Variants in EIF4G3 observed in about 807,000 individuals in gnomAD.
The protein encoded by EIF4G3 is eukaryotic translation initiation factor 4 gamma 3.
A neutral mutation model predicts 186.4 loss-of-function variants in EIF4G3; 34 were observed. The observed-to-expected ratio is 0.18, with a 90% confidence interval of 0.14 to 0.24. The LOEUF (loss-of-function observed/expected upper bound fraction) is 0.24. EIF4G3 is among the 10% of genes least tolerant of loss of function. EIF4G3 has a pLI of 1.00. For missense variants in EIF4G3, 1,536 were observed against 1,948.5 expected, an observed-to-expected ratio of 0.79 and a Z score of 3.99; for synonymous variants, 673 against 679.5, an observed-to-expected ratio of 0.99 and a Z score of 0.15.
At chr1:21,164,703 T>C (rs906341901) in intron 2 of EIF4G3, among the ~76,000 whole-genome samples, 2 of 151,922 alleles carry the variant, frequency 1.3e-5, no homozygotes, top group Non-Finnish European at 2.9e-5. Context: ...CTACAAAAAA[T>C]ACAAAAAGTA....
At chr1:21,008,126 G>C (rs1467313985) in intron 4 of EIF4G3, among the ~76,000 whole-genome samples, 2 of 152,168 alleles carry the variant, frequency 1.3e-5, no homozygotes, top group East Asian at 3.8e-4. Flanking sequence ...GGGCGACAGA[G>C]TGAGAACCTG....
intron 2 of EIF4G3, among the ~76,000 whole-genome samples, chr1:21,145,154 T>C (rs2102713012): frequency 6.6e-6 from 1 of 152,180 alleles, no homozygotes; most frequent in South Asian, 2.1e-4. Context: ...TCTGTATCAG[T>C]GTATTTAGTA....
chr1:20,916,855 C>T (rs1043002182), intron 14 of EIF4G3, among the ~76,000 whole-genome samples: 26 of 152,126 alleles, frequency 1.7e-4, no homozygotes, highest in Admixed American at 1.7e-3. Flanking sequence ...GGAGATTTAG[C>T]AGAAACAAGA....
rs2077685883 is a variant in EIF4G3, at chr1:20,980,320, C to T, written c.493+14G>A. 2 of 1,521,034 alleles carry T rather than the reference C, an allele frequency of 1.3e-6. No homozygotes were observed. Among genetic ancestry groups the T allele is most frequent in the East Asian group, 2.5e-5 (1 of 39,328 alleles). The allele number at this position is 1,521,034 out of a possible 1,614,324, so 94.2% of individuals were successfully genotyped here. On this transcript the variant is annotated intron_variant, in intron 10 of 36. Transcript: ENST00000602326. Reference sequence around the variant, plus strand: ...CAAAAAACTAGCAGAAATGTCTTGACTTTTCCTACTTACCATAAGCATTGG... The same window carrying T: ...CAAAAAACTAGCAGAAATGTCTTGATTTTTCCTACTTACCATAAGCATTGG...
chr1:20,820,022 G>A (rs962550328), intron 33 of EIF4G3, among the ~76,000 whole-genome samples: 3 of 152,082 alleles, frequency 2.0e-5, no homozygotes, highest in Admixed American at 6.5e-5. Flanking sequence ...TGGAGCCGGT[G>A]GGAGCCCTGC....
chr1:20,840,775 C>T (rs1172070471), intron 30 of EIF4G3, 81 bp downstream of exon 30: 11 of 1,326,034 alleles, frequency 8.3e-6, no homozygotes, highest in Non-Finnish European at 1.0e-5. Context: ...AAACTAAATA[C>T]TTAAAGAGGT....
At chr1:20,869,516 C>T (rs1393225589) in intron 20 of EIF4G3, among the ~76,000 whole-genome samples, 4 of 151,770 alleles carry the variant, frequency 2.6e-5, no homozygotes, top group African/African-American at 9.7e-5. Flanking sequence ...TGGCTCACGC[C>T]TGTAATCCCA....
intron 27 of EIF4G3, among the ~76,000 whole-genome samples, chr1:20,851,984 C>T (rs1211911741): frequency 6.6e-6 from 1 of 152,186 alleles, no homozygotes; most frequent in Non-Finnish European, 1.5e-5. Flanking sequence ...CGCCACTGCA[C>T]TCTAGCCTGG....
At chr1:21,136,983 A>C (rs1484349336) in intron 2 of EIF4G3, among the ~76,000 whole-genome samples, 1 of 152,114 alleles carries the variant, frequency 6.6e-6, no homozygotes, top group Admixed American at 6.6e-5. Flanking sequence ...CTCACTAATA[A>C]TTTTTATATG....
chr1:21,145,327 A>G (rs1033339057), intron 2 of EIF4G3, among the ~76,000 whole-genome samples: 1 of 110,982 alleles, frequency 9.0e-6, no homozygotes, highest in African/African-American at 2.9e-5. Flanking sequence ...AAAACAAAAC[A>G]AACAAACAAA....
intron 2 of EIF4G3, among the ~76,000 whole-genome samples, chr1:21,134,336 C>A (rs2102552215): frequency 6.6e-6 from 1 of 152,180 alleles, no homozygotes; most frequent in East Asian, 1.9e-4. Context: ...TAAAAAGACA[C>A]CTAGAAAACT....
At chr1:20,936,927 T>C (rs1264021201) in intron 14 of EIF4G3, among the ~76,000 whole-genome samples, 1 of 152,214 alleles carries the variant, frequency 6.6e-6, no homozygotes, top group Non-Finnish European at 1.5e-5. Context: ...CTACAGAATC[T>C]GGAAACCCTT....
At chr1:21,104,043 T>C (rs562287552) in intron 2 of EIF4G3, among the ~76,000 whole-genome samples, 1 of 152,236 alleles carries the variant, frequency 6.6e-6, no homozygotes, top group African/African-American at 2.4e-5. Flanking sequence ...AATTATAAAA[T>C]GGTGATAGCA....
chr1:20,842,372 T>TC (rs1406159039), intron 29 of EIF4G3, among the ~76,000 whole-genome samples: 5 of 152,220 alleles, frequency 3.3e-5, no homozygotes, highest in Non-Finnish European at 5.9e-5. Flanking sequence ...TAAAATGGTT[T>TC]CTTTTTTCTT....
At position 20,895,518 on chromosome 1, in the gene EIF4G3, AG is replaced by A. The variant is rs1010397251; in HGVS notation, c.2000-18del. On this transcript the variant is annotated intron_variant, in intron 16 of 36. Coordinates refer to ENST00000602326, the MANE Select transcript of EIF4G3 (RefSeq NM_001391906.1). ...TCCAGGATTCTAGAAAGAGGAATATAGGCAGACACTGTTTGTAGGGCATTAT... is the reference window on the plus strand; with the variant it reads ...TCCAGGATTCTAGAAAGAGGAATATAGCAGACACTGTTTGTAGGGCATTAT... The A allele has an allele frequency of 2.5e-6, 4 of 1,612,432 alleles. No homozygotes were observed. In the African/African-American group the frequency reaches 5.3e-5, roughly 22 times the overall value.
chr1:21,118,785 CA>C (rs796933675), intron 2 of EIF4G3, among the ~76,000 whole-genome samples: 4,027 of 86,226 alleles, frequency 0.047, 94 homozygotes, highest in East Asian at 0.18. Context: ...GACTACATCT[CA>C]AAAAAAAAAA....
chr1:21,024,326 C>G (rs1177636772), intron 4 of EIF4G3, among the ~76,000 whole-genome samples: 1 of 152,180 alleles, frequency 6.6e-6, no homozygotes, highest in African/African-American at 2.4e-5. Flanking sequence ...GGCCAGCCGC[C>G]CCGACCGTGA....
intron 1 of EIF4G3, 25 bp from the exon 2 acceptor site, chr1:21,176,383 G>A: frequency 4.1e-6 from 1 of 244,006 alleles, no homozygotes; most frequent in Non-Finnish European, 7.7e-6. Flanking sequence ...GGTTTCTGCG[G>A]TAAACTCATG....
intron 15 of EIF4G3, among the ~76,000 whole-genome samples, chr1:20,901,836 T>G (rs774815202): frequency 5.9e-5 from 9 of 152,242 alleles, no homozygotes; most frequent in African/African-American, 9.6e-5. Flanking sequence ...AAGAGATGAC[T>G]TCATTGGCTG....
Sources: gnomAD v4.1 joint callset for allele counts (sites outside exome capture counted in the v4.1 genomes callset) on GRCh38, gnomAD v4.1.1 for gene constraint, MANE v1.5 for transcripts, NCBI Gene and HGNC (gene_info 2026-07-23, HGNC 2026-07-21) for gene names.